TUBGCP4: variants seen among roughly 807,000 people sequenced by gnomAD.
TUBGCP4 encodes the protein gamma-tubulin complex component 4.
TUBGCP4 carries 54 observed loss-of-function variants against 91.6 expected under a neutral mutation model. The ratio of observed to expected loss-of-function variants is 0.59; its 90% CI spans 0.47 to 0.74. The LOEUF (loss-of-function observed/expected upper bound fraction) is 0.74. TUBGCP4 is among the 30% of genes least tolerant of loss of function. TUBGCP4 has a pLI of 0.00. For synonymous variants in TUBGCP4, 297 were observed against 302.8 expected (o/e 0.98, Z 0.20); for missense variants, 593 against 800.9 (o/e 0.74, Z 3.13).
At chr15:43,404,921 C>A in intron 17 of TUBGCP4, 1 of 515,076 alleles carries the variant, frequency 1.9e-6, no homozygotes, top group Non-Finnish European at 3.4e-6. Context: ...GGCGACCACC[C>A]CTTCTAACTC....
At position 43,400,229 on chromosome 15, in the gene TUBGCP4, C is replaced by T. The variant is rs201425823; in HGVS notation, c.1596+8C>T. On this transcript the variant is annotated splice_region_variant and intron_variant, in intron 14 of 17. Coordinates refer to ENST00000564079, the MANE Select transcript of TUBGCP4 (RefSeq NM_014444.5). ...CTTCAGTACTATCTCCAGGTCTGTG[C>T]TAAGAGATGAGTAGAAGGAAGGGGT... The T allele has an allele frequency of 6.2e-7, 1 of 1,611,872 alleles. No individual in the cohort carries two copies. Among genetic ancestry groups the T allele is most frequent in the Non-Finnish European group, 8.5e-7 (1 of 1,178,310 alleles).
In TUBGCP4 at chr15:43,408,082, G is replaced by A. The variant is rs976797193; in HGVS notation, c.*2868G>A. 1 of 1,613,824 alleles carries A rather than the reference G, an allele frequency of 6.2e-7. No individual in the cohort carries two copies. The highest frequency in any genetic ancestry group is 8.5e-7 in the Non-Finnish European group (1 of 1,179,916). On this transcript the variant is annotated 3_prime_UTR_variant, in exon 18 of 18. Transcript: ENST00000564079. Reference sequence around the variant, plus strand: ...TCAGATTCTGGAAAGGATTTTCACGGGGTTGCCTATGAAGGAGACAGGAAA... The same window carrying A: ...TCAGATTCTGGAAAGGATTTTCACGAGGTTGCCTATGAAGGAGACAGGAAA...
At position 43,405,387 on chromosome 15, in the gene TUBGCP4, C is replaced by A; in HGVS notation, c.*173C>A. 1.5e-6 allele frequency: 1 copy of A among 676,622 alleles called. No homozygotes were observed. The highest frequency in any genetic ancestry group is 2.6e-6 in the Non-Finnish European group (1 of 390,414). 41.9% of individuals were successfully genotyped at this position (676,622 alleles called of 1,614,324 possible). Reference sequence around the variant, plus strand: ...ATCCAGGAGTACAACTCCTTCCCATCATTCCCATGTGGAAGGGTCTCTCCC... The same window carrying A: ...ATCCAGGAGTACAACTCCTTCCCATAATTCCCATGTGGAAGGGTCTCTCCC... On this transcript the variant is annotated 3_prime_UTR_variant, in exon 18 of 18. Transcript: ENST00000564079.
Position 43,385,850 on chromosome 15 carries a change from G to A in TUBGCP4, c.783G>A (p.Val261=), listed in dbSNP as rs1199416763. Residue 261 remains valine (V), a synonymous_variant, in exon 8 of 18, where the codon GTG becomes GTA. Transcript: ENST00000564079. ...CTCTGAAGCAGTTTTCCCTACGAGTGGAGATTTTGCCATCCTACATTCCAG... is the reference window on the plus strand; with the variant it reads ...CTCTGAAGCAGTTTTCCCTACGAGTAGAGATTTTGCCATCCTACATTCCAG... ...APSLKQFSLR[V]EILPSYIPVR... The A allele has an allele frequency of 3.1e-6, 5 of 1,614,076 alleles. No homozygotes were observed. Among genetic ancestry groups the A allele is most frequent in the South Asian group, 1.1e-5 (1 of 91,070 alleles).
intron 11 of TUBGCP4, among the ~76,000 whole-genome samples, 192 bp from the exon 12 acceptor site, chr15:43,397,022 T>A (rs2044592265): frequency 6.6e-6 from 1 of 152,204 alleles, no homozygotes; most frequent in African/African-American, 2.4e-5. Context: ...TAGGGATGAT[T>A]CTCCAAGGAA....
At position 43,408,798 on chromosome 15, in the gene TUBGCP4, C is replaced by T; in HGVS notation, c.*3584C>T. The T allele has an allele frequency of 1.6e-6, 2 of 1,223,196 alleles. No individual in the cohort carries two copies. The highest frequency in any genetic ancestry group is 2.4e-5 in the East Asian group (1 of 41,284). 75.8% of individuals were successfully genotyped at this position (1,223,196 alleles called of 1,614,324 possible). A position where few individuals can be genotyped will look rare whatever the true frequency, so the allele number is the denominator to read the frequency against. On this transcript the variant is annotated 3_prime_UTR_variant, in exon 18 of 18. Transcript: ENST00000564079. ...ACTCAAATTTATCCCACAGACATTC[C>T]AATTTCTAGAAAGCTTTACTCTCTC...
In TUBGCP4 at chr15:43,395,619, C is replaced by G; in HGVS notation, c.1102C>G (p.Leu368Val). The change falls in exon 11 of 18, where the codon CTG (leucine) becomes GTG (valine). Residue 368 changes from leucine to valine, a missense_variant. Physicochemically the swap from Leu to Val is conservative, Grantham distance 32 (BLOSUM62 1). Coordinates refer to ENST00000564079, the MANE Select transcript of TUBGCP4 (RefSeq NM_014444.5). Reference sequence around the variant, plus strand: ...CTTTTACCTTCTGGGACGTGGAGAACTGTTTCAGGCCTTCATTGACACAGC... The same window carrying G: ...CTTTTACCTTCTGGGACGTGGAGAAGTGTTTCAGGCCTTCATTGACACAGC... ...KDFYLLGRGELFQAFIDTAQH... is the reference protein window; with the variant it reads ...KDFYLLGRGEVFQAFIDTAQH... 1.2e-6 allele frequency: 2 copies of G among 1,614,140 alleles called. No individual in the cohort carries two copies. Among genetic ancestry groups the G allele is most frequent in the Non-Finnish European group, 1.7e-6 (2 of 1,179,980 alleles).
chr15:43,407,249 C>T lies in TUBGCP4; in HGVS notation c.*2035C>T. 1.4e-6 allele frequency: 1 copy of T among 725,558 alleles called. No individual in the cohort carries two copies. Among genetic ancestry groups the T allele is most frequent in the Non-Finnish European group, 2.2e-6 (1 of 446,402 alleles). 44.9% of individuals were successfully genotyped at this position (725,558 alleles called of 1,614,324 possible). Reference sequence around the variant, plus strand: ...CAAAGAGATTCAACATTTATTTTATCATAAAAGTTCAGCAAATAAAACTAT... The same window carrying T: ...CAAAGAGATTCAACATTTATTTTATTATAAAAGTTCAGCAAATAAAACTAT... On this transcript the variant is annotated 3_prime_UTR_variant, in exon 18 of 18. Coordinates refer to ENST00000564079, the MANE Select transcript of TUBGCP4 (RefSeq NM_014444.5).
Position 43,408,688 on chromosome 15 carries a change from A to C in TUBGCP4, c.*3474A>C. On this transcript the variant is annotated 3_prime_UTR_variant, in exon 18 of 18. Transcript: ENST00000564079. ...GGTTGAGAATATTGAACCTATATAC[A>C]AATCTTCACACATTTGCAAAAGGTT... 1 of 571,450 alleles carries C rather than the reference A, an allele frequency of 1.7e-6. No homozygotes were observed. The highest frequency in any genetic ancestry group is 3.1e-6 in the Non-Finnish European group (1 of 320,298). The allele number at this position is 571,450 out of a possible 1,614,324, so 35.4% of individuals were successfully genotyped here.
chr15:43,404,004 C>G, intron 16 of TUBGCP4: 1 of 582,940 alleles, frequency 1.7e-6, no homozygotes, highest in South Asian at 2.1e-5. Flanking sequence ...AAAAATAGTT[C>G]AGTCCTGAAT....
At chr15:43,403,983 TCA>T in intron 16 of TUBGCP4, 184 bp downstream of exon 16, 2 of 593,010 alleles carry the variant, frequency 3.4e-6, no homozygotes, top group Non-Finnish European at 3.0e-6. Flanking sequence ...CTGTGCCACC[TCA>T]CAGTGCTCAA....
intron 6 of TUBGCP4, among the ~76,000 whole-genome samples, chr15:43,382,655 T>G (rs1046275834): frequency 2.8e-4 from 43 of 152,248 alleles, no homozygotes; most frequent in Admixed American, 2.4e-3. Flanking sequence ...GAAAGTAACT[T>G]TATCCCATCA....
At position 43,407,822 on chromosome 15, in the gene TUBGCP4, T is replaced by C; in HGVS notation, c.*2608T>C. 1 of 1,075,646 alleles carries C rather than the reference T, an allele frequency of 9.3e-7. No homozygotes were observed. Among genetic ancestry groups the C allele is most frequent in the Non-Finnish European group, 1.3e-6 (1 of 748,192 alleles). 66.6% of individuals were successfully genotyped at this position (1,075,646 alleles called of 1,614,324 possible). A position where few individuals can be genotyped will look rare whatever the true frequency, so the allele number is the denominator to read the frequency against. ...TCACCTCTTGAAGGTGGTACTTTTCTTCTCTAAGAAACATGGATACGGTCA... is the reference window on the plus strand; with the variant it reads ...TCACCTCTTGAAGGTGGTACTTTTCCTCTCTAAGAAACATGGATACGGTCA... On this transcript the variant is annotated 3_prime_UTR_variant, in exon 18 of 18. Transcript: ENST00000564079.
At chr15:43,389,300 G>T (rs2044429960) in intron 9 of TUBGCP4, among the ~76,000 whole-genome samples, 1 of 152,190 alleles carries the variant, frequency 6.6e-6, no homozygotes, top group South Asian at 2.1e-4. Context: ...CTTGCAACGT[G>T]TTGAACTCTT....
intron 9 of TUBGCP4, among the ~76,000 whole-genome samples, chr15:43,393,799 G>A (rs1160666334): frequency 6.6e-6 from 1 of 152,130 alleles, no homozygotes; most frequent in Non-Finnish European, 1.5e-5. Context: ...TGGCTGCATA[G>A]TATTCCATGG....
chr15:43,390,168 C>A (rs1416343467), intron 9 of TUBGCP4, among the ~76,000 whole-genome samples: 1 of 152,016 alleles, frequency 6.6e-6, no homozygotes, highest in African/African-American at 2.4e-5. Context: ...ATTCTACAGT[C>A]CTCATAAAAT....
chr15:43,387,503 C>T (rs993135450), intron 9 of TUBGCP4, among the ~76,000 whole-genome samples: 1 of 152,060 alleles, frequency 6.6e-6, no homozygotes. Context: ...GCTGTGTCAC[C>T]CAGGTTGGAG....
Position 43,408,969 on chromosome 15 carries a change from T to C in TUBGCP4, c.*3755T>C, listed in dbSNP as rs1333076705. ...ATAATTACGGTAGTTCTGGAGCTGG[T>C]TGGCATGGCAACTATCATGGACCCA... On this transcript the variant is annotated 3_prime_UTR_variant, in exon 18 of 18. Transcript: ENST00000564079. The C allele has an allele frequency of 5.0e-6, 8 of 1,614,048 alleles. No individual in the cohort carries two copies. The Admixed American group carries it at 5.0e-5, about 10-fold the overall frequency.
chr15:43,398,346 A>C, intron 13 of TUBGCP4, 167 bp downstream of exon 13: 1 of 660,272 alleles, frequency 1.5e-6, no homozygotes, highest in Non-Finnish European at 2.4e-6. Flanking sequence ...AGGATTTCAA[A>C]TCCATCCTGG....
Sources: gnomAD v4.1 joint callset for allele counts (sites outside exome capture counted in the v4.1 genomes callset) on GRCh38, gnomAD v4.1.1 for gene constraint, MANE v1.5 for transcripts, NCBI Gene and HGNC (gene_info 2026-07-23, HGNC 2026-07-21) for gene names.